Variants in NCOA6 observed in about 807,000 individuals in gnomAD.
The protein encoded by NCOA6 is NRC RAP250.
NCOA6 carries 49 observed loss-of-function variants against 171.4 expected under a neutral mutation model. The ratio of observed to expected loss-of-function variants is 0.29; its 90% confidence interval spans 0.23 to 0.36. The LOEUF (loss-of-function observed/expected upper bound fraction) is 0.36. Among genes scored for constraint, NCOA6 ranks in the 10% least tolerant of loss-of-function variants. The pLI is 1.00. For synonymous variants in NCOA6, 910 were observed against 927.5 expected, an observed-to-expected ratio of 0.98 and a Z score of 0.34; for missense variants, 2,248 against 2,554.5, an observed-to-expected ratio of 0.88 and a Z score of 2.59.
chr20:34,737,816 A>G (rs537403535), intron 11 of NCOA6, among the ~76,000 whole-genome samples: 2 of 152,286 alleles, frequency 1.3e-5, no homozygotes, highest in Non-Finnish European at 2.9e-5. Context: ...TGTGTTTAAG[A>G]ATTTATTTTG....
chr20:34,823,561 C>T (rs1455771764), intron 1 of NCOA6, among the ~76,000 whole-genome samples: 10 of 152,146 alleles, frequency 6.6e-5, no homozygotes, highest in South Asian at 2.1e-4. Flanking sequence ...ATAGCCCATG[C>T]GAACTTTGAA....
Position 34,750,097 on chromosome 20 carries a change from C to G in NCOA6, c.2098G>C (p.Gly700Arg), listed in dbSNP as rs1337180945. ...QMMAPHNQMM[G>R]PQGQVLLQQN... is the part of the protein sequence containing the mutation. ...TGGAGCAAAACCTGCCCCTGAGGCCCCATCATCTGGTTATGTGGCGCCATC... is the reference window on the plus strand; with the variant it reads ...TGGAGCAAAACCTGCCCCTGAGGCCGCATCATCTGGTTATGTGGCGCCATC... The change falls in exon 9 of 15, where the codon GGG becomes CGG. Residue 700 changes from glycine to arginine, a missense_variant. Physicochemically the swap from Gly to Arg is moderately radical, Grantham distance 125. Transcript: ENST00000359003. The G allele has an allele frequency of 6.2e-7, 1 of 1,614,126 alleles. No individual in the cohort carries two copies. The highest frequency in any genetic ancestry group is 1.7e-5 in the Admixed American group (1 of 60,022).
At chr20:34,771,607 T>C (rs2077153564) in intron 4 of NCOA6, among the ~76,000 whole-genome samples, 1 of 152,232 alleles carries the variant, frequency 6.6e-6, no homozygotes, top group African/African-American at 2.4e-5. Context: ...TATTTAGCCC[T>C]GTCTACCTCT....
chr20:34,822,958 ATAC>A (rs1316885911), intron 1 of NCOA6, among the ~76,000 whole-genome samples: 2 of 152,228 alleles, frequency 1.3e-5, no homozygotes, highest in Non-Finnish European at 2.9e-5. Flanking sequence ...TCTTTATATC[ATAC>A]TACAATTGTT....
chr20:34,716,599 G>T (rs1988628192), intron 14 of NCOA6, among the ~76,000 whole-genome samples: 1 of 151,862 alleles, frequency 6.6e-6, no homozygotes, highest in Non-Finnish European at 1.5e-5. Flanking sequence ...AAAAAGAAAA[G>T]AATTAGCTGG....
In NCOA6 at chr20:34,757,479, G is replaced by A; in HGVS notation, c.1269C>T (p.Leu423=). 6.2e-7 allele frequency: 1 copy of A among 1,613,960 alleles called. No homozygotes were observed. The highest frequency in any genetic ancestry group is 8.5e-7 in the Non-Finnish European group (1 of 1,179,888). The change falls in exon 7 of 15, where the codon CTC becomes CTT. Residue 423 remains leucine (L), a synonymous_variant. Coordinates refer to ENST00000359003, the MANE Select transcript of NCOA6 (RefSeq NM_014071.5). ...GTGAGGAGGCAGGAGACTTGTTGGT[G>A]AGGTGGGGCTGCTGCAAGGGAGTTG... ...RVPTPLQQPH[L]TNKSPASSPS... is the part of the protein sequence containing the mutation.
At chr20:34,745,010 A>C (rs538735534) in intron 10 of NCOA6, among the ~76,000 whole-genome samples, 4 of 152,350 alleles carry the variant, frequency 2.6e-5, no homozygotes, top group African/African-American at 7.2e-5. Flanking sequence ...GCAGTCCAAA[A>C]GGCACTAATG....
chr20:34,802,461 C>A (rs1344311220), intron 1 of NCOA6, among the ~76,000 whole-genome samples: 1 of 152,102 alleles, frequency 6.6e-6, no homozygotes, highest in Non-Finnish European at 1.5e-5. Flanking sequence ...ATTAGCTGGG[C>A]GTGGTGGCGC....
rs138003594 is a variant in NCOA6 at position 34,814,593 on chromosome 20, T to A, written c.-164+10879A>T. Among the ~76,000 whole-genome samples the A allele has an allele frequency of 1.4e-4, 21 of 151,826 alleles. No homozygotes were observed. The East Asian group carries it at 3.9e-3, about 28-fold the overall frequency. On this transcript the variant is annotated intron_variant, in intron 1 of 14. Coordinates refer to ENST00000359003, the MANE Select transcript of NCOA6 (RefSeq NM_014071.5). ...ATGTACTTGCGGTATTTAAACATAA[T>A]TTTTTTTTGTTTTTTGAGACGGAGT...
At chr20:34,806,261 C>T in intron 1 of NCOA6, among the ~76,000 whole-genome samples, 1 of 152,160 alleles carries the variant, frequency 6.6e-6, no homozygotes, top group East Asian at 1.9e-4. Flanking sequence ...TAAAGTCAGA[C>T]TGTTTTTCTA....
Position 34,727,453 on chromosome 20 carries a change from G to A in NCOA6, c.6000-46C>T, listed in dbSNP as rs759985493. ...GTTTCCAAGCAGGTGAGGGAACCAG[G>A]CCACACAAAAAACGGGCTCTTCAGA... is the stretch of plus-strand genomic sequence containing the variant. On this transcript the variant is annotated intron_variant, in intron 13 of 14. Transcript: ENST00000359003. 1.1e-5 allele frequency: 18 copies of A among 1,604,158 alleles called. No homozygotes were observed. In the Middle Eastern group the frequency reaches 1.7e-3, roughly 154 times the overall value.
chr20:34,764,684 C>CA (rs35459347), intron 5 of NCOA6, among the ~76,000 whole-genome samples: 1,949 of 117,466 alleles, frequency 0.017, 25 homozygotes, highest in Middle Eastern at 0.032. Context: ...GACTCTGTCT[C>CA]AAAAAAAAAA....
rs892208896 is a variant in NCOA6 at position 34,733,481 on chromosome 20, C to T, written c.5963-886G>A. ...AAATTTTGACTTCAATGCTTATTAG[C>T]CATGTGACCTTGGGTAAATTATCTG... On this transcript the variant is annotated intron_variant, in intron 12 of 14. Transcript: ENST00000359003. 5.9e-4 allele frequency among the ~76,000 whole-genome samples: 89 copies of T among 152,118 alleles called. 1 individual carries two copies. Among genetic ancestry groups the T allele is most frequent in the Non-Finnish European group, 1.3e-4 (9 of 68,030 alleles).
At chr20:34,721,487 C>T (rs1049936630) in intron 14 of NCOA6, among the ~76,000 whole-genome samples, 2 of 151,930 alleles carry the variant, frequency 1.3e-5, no homozygotes, top group Non-Finnish European at 1.5e-5. Flanking sequence ...CTGGGGGTTG[C>T]GGGGGAGACA....
chr20:34,742,453 C>G lies in NCOA6; in HGVS notation c.3803G>C (p.Arg1268Thr). Reference sequence around the variant, plus strand: ...ATTTAGGCCTTGTTGATCAAAGCCCCTGTTTAAATTTGGCCTAGGAGGTAA... The same window carrying G: ...ATTTAGGCCTTGTTGATCAAAGCCCGTGTTTAAATTTGGCCTAGGAGGTAA... The part of the protein sequence containing the change: ...IPLPPRPNLN[R>T]GFDQQGLNPT... The change falls in exon 11 of 15, where the codon AGG becomes ACG. Residue 1268 changes from arginine (R) to threonine (T), a missense_variant. Physicochemically the swap from Arg to Thr is moderately conservative, Grantham distance 71. Coordinates refer to ENST00000359003, the MANE Select transcript of NCOA6 (RefSeq NM_014071.5). 6.2e-7 allele frequency: 1 copy of G among 1,614,188 alleles called. No homozygotes were observed. The highest frequency in any genetic ancestry group is 8.5e-7 in the Non-Finnish European group (1 of 1,180,040).
intron 1 of NCOA6, among the ~76,000 whole-genome samples, chr20:34,807,959 G>T (rs2078516575): frequency 6.6e-6 from 1 of 151,538 alleles, no homozygotes; most frequent in African/African-American, 2.4e-5. Flanking sequence ...AGATCACCTT[G>T]GCCAACATGG....
chr20:34,811,606 C>T (rs1173286109), intron 1 of NCOA6, among the ~76,000 whole-genome samples: 3 of 152,086 alleles, frequency 2.0e-5, no homozygotes, highest in South Asian at 2.1e-4. Flanking sequence ...TGAAAACTTT[C>T]CATGGATGCA....
intron 2 of NCOA6, among the ~76,000 whole-genome samples, chr20:34,783,320 T>C (rs2077566244): frequency 6.6e-6 from 1 of 152,130 alleles, no homozygotes; most frequent in South Asian, 2.1e-4. Flanking sequence ...GTAATCTTTA[T>C]GGAGGTAAAG....
intron 4 of NCOA6, among the ~76,000 whole-genome samples, chr20:34,770,602 C>T (rs2077118942): frequency 1.3e-5 from 2 of 151,750 alleles, no homozygotes; most frequent in Admixed American, 6.6e-5. Flanking sequence ...AGTTCCATTG[C>T]TTCCCACTAG....
Sources: gnomAD v4.1 joint callset for allele counts (sites outside exome capture counted in the v4.1 genomes callset) on GRCh38, gnomAD v4.1.1 for gene constraint, MANE v1.5 for transcripts, NCBI Gene and HGNC (gene_info 2026-07-23, HGNC 2026-07-21) for gene names.